The following RPS6KC1 variants were observed in gnomAD, a reference collection of about 807,000 sequenced individuals.
The protein encoded by RPS6KC1 is ribosomal protein S6 kinase C1, also known as inactive ribosomal protein S6 kinase delta-1.
RPS6KC1 carries 54 observed loss-of-function variants against 103.8 expected under a neutral mutation model. The observed-to-expected ratio is 0.52, with a 90% confidence interval of 0.42 to 0.65. The LOEUF (loss-of-function observed/expected upper bound fraction) is 0.65, where lower values mean the gene tolerates loss of function less well. Ranked by LOEUF, RPS6KC1 falls within the 30% of genes least tolerant of loss-of-function variation. The pLI is 0.00. For synonymous variants in RPS6KC1, 439 were observed against 438.7 expected (o/e 1.00, Z -0.01); for missense variants, 1,151 against 1,253.8 (o/e 0.92, Z 1.24).
At chr1:213,367,983 G>A in the RPS6KC1 span, among the ~76,000 whole-genome samples, 2 of 152,168 alleles carry the variant, frequency 1.3e-5, no homozygotes, top group African/African-American at 4.8e-5. Context: ...ACATCTGTTG[G>A]TCTCTTAATC....
At chr1:213,428,480 CCCTTCCTT>C in the RPS6KC1 span, among the ~76,000 whole-genome samples, 291 of 28,432 alleles carry the variant, frequency 0.01, 8 homozygotes, top group African/African-American at 0.04. Flanking sequence ...CTCCCTCCCT[CCCTTCCTT>C]CCTTCCTTCC....
the RPS6KC1 span, among the ~76,000 whole-genome samples, chr1:213,432,229 A>G: frequency 6.6e-6 from 1 of 152,160 alleles, no homozygotes; most frequent in African/African-American, 2.4e-5. Context: ...ATCTTTCCCC[A>G]TTCCGTGACA....
intron 8 of RPS6KC1, among the ~76,000 whole-genome samples, chr1:213,225,192 T>C (rs2093930835): frequency 6.6e-6 from 1 of 152,216 alleles, no homozygotes; most frequent in African/African-American, 2.4e-5. Context: ...AAGAGGTATA[T>C]CCAGAGGCCA....
the RPS6KC1 span, among the ~76,000 whole-genome samples, chr1:213,792,951 A>G: frequency 1.3e-5 from 2 of 151,972 alleles, no homozygotes; most frequent in African/African-American, 2.4e-5. Context: ...TCTTATCACT[A>G]TGCCCTTAAT....
chr1:213,552,971 AAT>A, the RPS6KC1 span, among the ~76,000 whole-genome samples: 1 of 151,780 alleles, frequency 6.6e-6, no homozygotes, highest in Non-Finnish European at 1.5e-5. Context: ...TTTAAAGTGT[AAT>A]AGCAGATATT....
At chr1:213,780,488 T>G in the RPS6KC1 span, among the ~76,000 whole-genome samples, 5 of 152,320 alleles carry the variant, frequency 3.3e-5, no homozygotes, top group East Asian at 9.6e-4. Context: ...CATATCTAAG[T>G]GCAAAACTTT....
At chr1:213,652,249 G>T in the RPS6KC1 span, among the ~76,000 whole-genome samples, 1 of 152,162 alleles carries the variant, frequency 6.6e-6, no homozygotes, top group South Asian at 2.1e-4. Context: ...CTGGCACTGT[G>T]TTAAGGGCTT....
chr1:213,295,292 T>A, the RPS6KC1 span, among the ~76,000 whole-genome samples: 16 of 152,298 alleles, frequency 1.1e-4, no homozygotes, highest in Non-Finnish European at 5.9e-5. Flanking sequence ...CGTAAGACCA[T>A]GACCAACAGG....
the RPS6KC1 span, among the ~76,000 whole-genome samples, chr1:213,504,100 A>G: frequency 6.6e-6 from 1 of 152,110 alleles, no homozygotes; most frequent in South Asian, 2.1e-4. Context: ...GTTTTCACAT[A>G]ATATTATGTT....
chr1:213,380,496 TA>T, the RPS6KC1 span, among the ~76,000 whole-genome samples: 3 of 151,658 alleles, frequency 2.0e-5, no homozygotes, highest in African/African-American at 7.3e-5. Flanking sequence ...AAATAAAAGT[TA>T]AAAAAAAGAA....
the RPS6KC1 span, among the ~76,000 whole-genome samples, chr1:213,788,210 T>C: frequency 2.0e-5 from 3 of 152,164 alleles, no homozygotes; most frequent in Non-Finnish European, 4.4e-5. Flanking sequence ...ACTAAACAGC[T>C]CACTCCATAC....
the RPS6KC1 span, among the ~76,000 whole-genome samples, chr1:213,644,023 T>G: frequency 1.3e-5 from 2 of 152,050 alleles, no homozygotes; most frequent in African/African-American, 2.4e-5. Context: ...AGTCATTTAT[T>G]TAGAAGTTTT....
chr1:213,171,281 T>C (rs1196583050), intron 7 of RPS6KC1, among the ~76,000 whole-genome samples: 1 of 151,928 alleles, frequency 6.6e-6, no homozygotes, highest in African/African-American at 2.4e-5. Flanking sequence ...GGAGCAGGTT[T>C]CACATAAAAA....
At chr1:213,807,815 G>A in the RPS6KC1 span, among the ~76,000 whole-genome samples, 5 of 152,262 alleles carry the variant, frequency 3.3e-5, no homozygotes, top group East Asian at 1.9e-4. Flanking sequence ...TCCATTGCTC[G>A]TGAGGAACTG....
At chr1:213,337,575 C>T in the RPS6KC1 span, among the ~76,000 whole-genome samples, 1 of 152,162 alleles carries the variant, frequency 6.6e-6, no homozygotes, top group Non-Finnish European at 1.5e-5. Context: ...TGTTATTGCA[C>T]TCAGGGAGTG....
At chr1:213,212,982 CATTT>C (rs1302416910) in intron 8 of RPS6KC1, among the ~76,000 whole-genome samples, 17 of 152,202 alleles carry the variant, frequency 1.1e-4, no homozygotes, top group African/African-American at 3.6e-4. Context: ...TCAGATGTAT[CATTT>C]ATAAATATTT....
intron 7 of RPS6KC1, among the ~76,000 whole-genome samples, chr1:213,170,281 G>A (rs928211950): frequency 6.6e-6 from 1 of 152,136 alleles, no homozygotes; most frequent in South Asian, 2.1e-4. Flanking sequence ...GTTTTAACTA[G>A]AAGAATAGAA....
chr1:213,578,919 G>C, the RPS6KC1 span, among the ~76,000 whole-genome samples: 1 of 151,992 alleles, frequency 6.6e-6, no homozygotes, highest in Non-Finnish European at 1.5e-5. Context: ...TGATATGAGA[G>C]GACATAATAT....
chr1:213,822,552 A>C, the RPS6KC1 span: 2 of 152,158 alleles, frequency 1.3e-5, no homozygotes, highest in African/African-American at 2.4e-5. Flanking sequence ...CCAGCTGCCT[A>C]CTTAGACACC....
Sources: gnomAD v4.1 joint callset for allele counts (sites outside exome capture counted in the v4.1 genomes callset) on GRCh38, gnomAD v4.1.1 for gene constraint, MANE v1.5 for transcripts, NCBI Gene and HGNC (gene_info 2026-07-23, HGNC 2026-07-21) for gene names.